The following SAE1 variants were observed in gnomAD, a reference collection of about 807,000 sequenced individuals.
SAE1 encodes SUMO1 activating enzyme subunit 1.
SAE1 carries 11 observed loss-of-function variants against 40.6 expected under a neutral mutation model. The ratio of observed to expected loss-of-function variants is 0.27; its 90% CI spans 0.17 to 0.45. SAE1 has a LOEUF of 0.45. SAE1 is among the 20% of genes least tolerant of loss of function. The pLI, the probability that SAE1 is intolerant of heterozygous loss-of-function variation, is 1.00. For synonymous variants in SAE1, 155 were observed against 154.3 expected, an observed-to-expected ratio of 1.00 and a Z score of -0.03; for missense variants, 373 against 427.3, an observed-to-expected ratio of 0.87 and a Z score of 1.12.
rs75441740 is a variant in SAE1 at position 47,207,753 on chromosome 19, G to C, written c.949-1406G>C. The stretch of plus-strand genomic sequence containing the variant: ...GGACTTAAGTGATCCTCCCACCTCA[G>C]CTTCCTGAGGCACTGAGACTATAAG... On this transcript the variant is annotated intron_variant, in intron 8 of 8. Coordinates refer to ENST00000270225, the MANE Select transcript of SAE1 (RefSeq NM_005500.3). 3.5e-3 allele frequency among the ~76,000 whole-genome samples: 530 copies of C among 151,908 alleles called. 4 individuals are homozygous for C. Among genetic ancestry groups the C allele is most frequent in the African/African-American group, 0.012 (506 of 41,416 alleles).
At chr19:47,184,124 A>T (rs1186200005) in intron 6 of SAE1, among the ~76,000 whole-genome samples, 1 of 152,160 alleles carries the variant, frequency 6.6e-6, no homozygotes, top group African/African-American at 2.4e-5. Context: ...TAAGGAAAGG[A>T]ATAGAATATT....
intron 6 of SAE1, among the ~76,000 whole-genome samples, chr19:47,182,490 T>TGCGC (rs1568603064): frequency 7.1e-6 from 1 of 141,334 alleles, no homozygotes; most frequent in Admixed American, 7.1e-5. Context: ...TGTGTGTGTG[T>TGCGC]GTGTGTGCGC....
intron 1 of SAE1, among the ~76,000 whole-genome samples, chr19:47,138,588 G>A (rs1385848100): frequency 6.6e-6 from 1 of 152,170 alleles, no homozygotes; most frequent in Non-Finnish European, 1.5e-5. Context: ...ACAGCCATTT[G>A]AGTAACAGTA....
chr19:47,197,250 A>G lies in SAE1; in HGVS notation c.751A>G (p.Thr251Ala), dbSNP rs759714247. 10 of 1,613,040 alleles carry G rather than the reference A, an allele frequency of 6.2e-6. No homozygotes were observed. The East Asian group carries it at 2.0e-4, about 32-fold the overall frequency. ...ATTCCCAGTGCTCTTAAAGTTCCGT[A>G]CAGATAAAGGAAGAGATCCCAGTTC... ...FLLQVLLKFR[T>A]DKGRDPSSDT... The change falls in exon 7 of 9, where the codon ACA (threonine) becomes GCA (alanine). Residue 251 changes from threonine to alanine, a missense_variant. Around this residue, in one of 3 missense-constraint regions of SAE1, gnomAD observed 351 missense variants for 390.6 expected, o/e 0.90. Coordinates refer to ENST00000270225, the MANE Select transcript of SAE1 (RefSeq NM_005500.3).
intron 5 of SAE1, among the ~76,000 whole-genome samples, chr19:47,164,403 G>A (rs151168247): frequency 0.01 from 1,536 of 152,088 alleles, 28 homozygotes; most frequent in African/African-American, 0.036. Flanking sequence ...TGCTGACCTC[G>A]TGATCCGCCC....
rs1863358256 is a variant in SAE1, at chr19:47,182,869, G to A, written c.733+12946G>A. 3.3e-5 allele frequency among the ~76,000 whole-genome samples: 5 copies of A among 152,222 alleles called. No homozygotes were observed. The South Asian group carries it at 8.3e-4, about 25-fold the overall frequency. On this transcript the variant is annotated intron_variant, in intron 6 of 8. Coordinates refer to ENST00000270225, the MANE Select transcript of SAE1 (RefSeq NM_005500.3). The stretch of plus-strand genomic sequence containing the variant: ...AGGCCAAAGTGGGAGGATTGCTTGA[G>A]GCCAATAGTCCAAGACCAACATGGG...
At chr19:47,155,746 A>AC (rs2058319405) in intron 5 of SAE1, among the ~76,000 whole-genome samples, 1 of 123,828 alleles carries the variant, frequency 8.1e-6, no homozygotes, top group Admixed American at 8.2e-5. Context: ...CCGGCCCCAT[A>AC]CCCTTTTTTT....
At chr19:47,198,387 C>T (rs2058630281) in intron 7 of SAE1, among the ~76,000 whole-genome samples, 1 of 152,140 alleles carries the variant, frequency 6.6e-6, no homozygotes, top group South Asian at 2.1e-4. Flanking sequence ...GCTGAGATTA[C>T]AGGCATGAGC....
chr19:47,140,623 C>CAAAA (rs202068723), intron 1 of SAE1, among the ~76,000 whole-genome samples: 1 of 119,094 alleles, frequency 8.4e-6, no homozygotes, highest in Non-Finnish European at 1.7e-5. Context: ...CCTGTGTCTA[C>CAAAA]AAAAAAAAAA....
chr19:47,167,065 C>T (rs1386191008), intron 5 of SAE1, among the ~76,000 whole-genome samples: 2 of 152,164 alleles, frequency 1.3e-5, no homozygotes, highest in Non-Finnish European at 2.9e-5. Context: ...GATTCTGCTC[C>T]CTCAGCTTCC....
intron 6 of SAE1, among the ~76,000 whole-genome samples, chr19:47,194,165 C>T (rs114323480): frequency 9.1e-4 from 139 of 152,312 alleles, no homozygotes; most frequent in African/African-American, 3.2e-3. Flanking sequence ...CCAAGATTCA[C>T]TCACTCGCCA....
At chr19:47,167,200 C>T (rs555761786) in intron 5 of SAE1, among the ~76,000 whole-genome samples, 48 of 152,110 alleles carry the variant, frequency 3.2e-4, no homozygotes, top group African/African-American at 1.0e-3. Context: ...GTGATCCACC[C>T]GCCTTGGCCT....
chr19:47,198,403 C>T lies in SAE1; in HGVS notation c.878+1026C>T, dbSNP rs138171546. Among the ~76,000 whole-genome samples the T allele has an allele frequency of 5.2e-3, 790 of 152,214 alleles. 8 individuals are homozygous for T. Among genetic ancestry groups the T allele is most frequent in the African/African-American group, 0.018 (745 of 41,532 alleles). On this transcript the variant is annotated intron_variant, in intron 7 of 8. Transcript: ENST00000270225. ...CTGAGATTACAGGCATGAGCCACCA[C>T]GCGCTCCATCCACATCTCCTTCCAA...
At chr19:47,193,257 C>T (rs566923961) in intron 6 of SAE1, among the ~76,000 whole-genome samples, 12 of 151,900 alleles carry the variant, frequency 7.9e-5, no homozygotes, top group African/African-American at 2.2e-4. Context: ...GATGGGGTTT[C>T]GCTGTGTTGG....
intron 6 of SAE1, among the ~76,000 whole-genome samples, chr19:47,192,383 G>A (rs1259685475): frequency 6.6e-6 from 1 of 151,640 alleles, no homozygotes; most frequent in Non-Finnish European, 1.5e-5. Context: ...CGAGTAGCTG[G>A]GATTAAAAGC....
At chr19:47,164,748 A>T (rs1261210242) in intron 5 of SAE1, among the ~76,000 whole-genome samples, 1 of 145,874 alleles carries the variant, frequency 6.9e-6, no homozygotes, top group Non-Finnish European at 1.5e-5. Flanking sequence ...TCCCAGGTTC[A>T]AGCGATTCTC....
rs893550502 is a variant in SAE1 at position 47,210,086 on chromosome 19, G to A, written c.*835G>A. ...GGCTGTTGCATTTCAGGGCTATGTTGGTCCTTTGTTTACCTCCTAAACCAC... is the reference window on the plus strand; with the variant it reads ...GGCTGTTGCATTTCAGGGCTATGTTAGTCCTTTGTTTACCTCCTAAACCAC... On this transcript the variant is annotated 3_prime_UTR_variant, in exon 9 of 9. Transcript: ENST00000270225. 1 of 152,140 alleles carries A rather than the reference G, an allele frequency of 6.6e-6. No individual in the cohort carries two copies. Among genetic ancestry groups the A allele is most frequent in the African/African-American group, 2.4e-5 (1 of 41,420 alleles). 9.4% of individuals were successfully genotyped at this position (152,140 alleles called of 1,614,324 possible).
intron 6 of SAE1, among the ~76,000 whole-genome samples, chr19:47,193,171 C>A (rs1017362252): frequency 6.6e-6 from 1 of 151,718 alleles, no homozygotes; most frequent in African/African-American, 2.4e-5. Context: ...GATTCTCCTG[C>A]CTCAGCCTCC....
chr19:47,207,443 C>G (rs557343996), intron 8 of SAE1, among the ~76,000 whole-genome samples: 1 of 152,278 alleles, frequency 6.6e-6, no homozygotes, highest in East Asian at 1.9e-4. Flanking sequence ...AAACCCTGCC[C>G]TGGCAGCTTG....
Sources: allele counts gnomAD v4.1 joint callset (sites outside exome capture counted in the v4.1 genomes callset), GRCh38; gene constraint gnomAD v4.1.1; regional missense constraint gnomAD v4.1.1; transcripts MANE v1.5; gene names NCBI Gene and HGNC (gene_info 2026-07-23, HGNC 2026-07-21).